Variants in CAPRIN2 observed in about 807,000 individuals in gnomAD.
CAPRIN2 encodes caprin-2.
CAPRIN2 carries 66 observed loss-of-function variants against 130.4 expected under a neutral mutation model. That is an observed-to-expected ratio of 0.51 (90% confidence interval 0.42 to 0.62). CAPRIN2 has a LOEUF of 0.62. CAPRIN2 is among the 20% of genes least tolerant of loss of function. The pLI, the probability that CAPRIN2 is intolerant of heterozygous loss-of-function variation, is 0.00. For synonymous variants in CAPRIN2, 471 were observed against 444.1 expected (o/e 1.06, Z -0.76); for missense variants, 1,185 against 1,246.6 (o/e 0.95, Z 0.74).
chr12:30,724,642 T>A (rs1332801495), intron 9 of CAPRIN2, among the ~76,000 whole-genome samples, 191 bp from the exon 11 acceptor site: 1 of 152,082 alleles, frequency 6.6e-6, no homozygotes, highest in African/African-American at 2.4e-5. Flanking sequence ...AAATTAAGAA[T>A]TAAAAATAAA....
chr12:30,753,935 T>G (rs1462273895), exon 1 of CAPRIN2: 1 of 616,810 alleles, frequency 1.6e-6, no homozygotes, highest in African/African-American at 1.8e-5. Flanking sequence ...TTCTAAATAA[T>G]TCCCATGGCC....
At chr12:30,738,409 A>G (rs1043277171) in intron 3 of CAPRIN2, among the ~76,000 whole-genome samples, 2 of 152,242 alleles carry the variant, frequency 1.3e-5, no homozygotes, top group African/African-American at 4.8e-5. Flanking sequence ...ATGACTTTGA[A>G]TAAGTTCCTT....
At position 30,710,072 on chromosome 12, in the gene CAPRIN2, C is replaced by G; in HGVS notation, c.3064G>C (p.Val1022Leu). Residue 1022 changes from valine to leucine, a missense_variant, in exon 17 of 17, where the codon GTA (valine) becomes CTA (leucine). This residue lies in a region of CAPRIN2 where 81 missense variants were observed against 142.2 expected (regional missense o/e 0.57). Transcript: ENST00000298892. This position sits in a 1 kb window ranked among gnomAD's most constrained non-coding sequence, Gnocchi z 4.8. ...GCACCATCATTGGCATAGGCTGATA[C>G]CAAGACCTCTTCATTCTTCATGAGG... 1.2e-6 allele frequency: 2 copies of G among 1,614,116 alleles called. No homozygotes were observed. The highest frequency in any genetic ancestry group is 2.2e-5 in the South Asian group (2 of 91,088).
At chr12:30,739,929 C>T (rs768009260) in intron 3 of CAPRIN2, among the ~76,000 whole-genome samples, 14 of 152,068 alleles carry the variant, frequency 9.2e-5, no homozygotes, top group Admixed American at 2.6e-4. Context: ...GAATGAAAAA[C>T]TAAATTGTTA....
intron 15 of CAPRIN2, among the ~76,000 whole-genome samples, chr12:30,712,508 C>T (rs117285683): frequency 1.3e-4 from 20 of 152,242 alleles, no homozygotes; most frequent in East Asian, 3.9e-4. Flanking sequence ...AATATTTGCA[C>T]GGCTGATATA....
Position 30,746,663 on chromosome 12 carries a change from C to T in CAPRIN2, c.483+4408G>A, listed in dbSNP as rs151338159. Among the ~76,000 whole-genome samples, 1,036 of 152,264 alleles carry T rather than the reference C, an allele frequency of 6.8e-3. 7 individuals are homozygous for T. Among genetic ancestry groups the T allele is most frequent in the African/African-American group, 0.024 (988 of 41,554 alleles). On this transcript the variant is annotated intron_variant, in intron 2 of 16. Coordinates refer to ENST00000298892, the Ensembl canonical transcript of CAPRIN2. ...AGATTTGAGTGGTATTCCCTTAAGT[C>T]AAAACCTAGTCTAGAACAAGACCCT... is the stretch of plus-strand genomic sequence containing the variant.
At chr12:30,721,447 G>T (rs919585792) in intron 11 of CAPRIN2, among the ~76,000 whole-genome samples, 1 of 152,130 alleles carries the variant, frequency 6.6e-6, no homozygotes, top group African/African-American at 2.4e-5. Context: ...AAATCAGAAT[G>T]GCACCAAAAA....
chr12:30,732,294 C>T (rs759027182), intron 5 of CAPRIN2, among the ~76,000 whole-genome samples: 24 of 151,814 alleles, frequency 1.6e-4, no homozygotes, highest in Non-Finnish European at 2.8e-4. Flanking sequence ...GCAGAGTTTC[C>T]GTACTTCATT....
At chr12:30,747,632 G>A (rs573828461) in intron 2 of CAPRIN2, among the ~76,000 whole-genome samples, 71 of 151,642 alleles carry the variant, frequency 4.7e-4, no homozygotes, top group South Asian at 1.0e-3. Flanking sequence ...AGCCGAGATC[G>A]TGCCATTGTA....
chr12:30,748,492 C>T (rs2071888745), intron 2 of CAPRIN2, among the ~76,000 whole-genome samples: 1 of 152,196 alleles, frequency 6.6e-6, no homozygotes, highest in Admixed American at 6.5e-5. Flanking sequence ...AGTGCTACTG[C>T]ACACTTAACA....
At chr12:30,730,707 G>A (rs765708166) in intron 6 of CAPRIN2, among the ~76,000 whole-genome samples, 7 of 152,106 alleles carry the variant, frequency 4.6e-5, no homozygotes, top group Admixed American at 1.3e-4. Context: ...AGAGAGTGGA[G>A]ATACTTAAGC....
intron 8 of CAPRIN2, among the ~76,000 whole-genome samples, chr12:30,727,049 CA>C (rs1344720123): frequency 6.6e-6 from 1 of 152,066 alleles, no homozygotes; most frequent in Non-Finnish European, 1.5e-5. Flanking sequence ...TTGACCTTTC[CA>C]AATATGTAAC....
chr12:30,751,543 G>A (rs1021354628), intron 1 of CAPRIN2: 4 of 220,664 alleles, frequency 1.8e-5, no homozygotes, highest in African/African-American at 9.1e-5. Flanking sequence ...GGGAAGGGAG[G>A]TGAAGAGTGC....
chr12:30,731,576 C>G, intron 5 of CAPRIN2, 66 bp from the exon 7 acceptor site: 1 of 1,309,570 alleles, frequency 7.6e-7, no homozygotes, highest in South Asian at 1.3e-5. Context: ...GAATAGAAAT[C>G]CTAATTTTAT....
At position 30,753,320 on chromosome 12, in the gene CAPRIN2, C is replaced by T. The variant is rs781242705; in HGVS notation, c.420+24G>A. 2.5e-6 allele frequency: 4 copies of T among 1,574,898 alleles called. No homozygotes were observed. The Admixed American group carries it at 5.3e-5, about 21-fold the overall frequency. On this transcript the variant is annotated intron_variant, in intron 1 of 16. Coordinates refer to ENST00000298892, the Ensembl canonical transcript of CAPRIN2. ...CTTAATCTTTAAGATCATGCATCTA[C>T]AGGACTGGAAGAAAAAAAGTTACCT...
At chr12:30,733,493 T>A in intron 5 of CAPRIN2, 136 bp downstream of exon 6, 1 of 642,696 alleles carries the variant, frequency 1.6e-6, no homozygotes, top group Non-Finnish European at 2.8e-6. Flanking sequence ...AAAGGGATCA[T>A]TCTCCCAGTG....
chr12:30,720,643 C>T, intron 12 of CAPRIN2, 168 bp downstream of exon 13: 2 of 536,228 alleles, frequency 3.7e-6, no homozygotes, highest in East Asian at 3.1e-5. Flanking sequence ...GGCAAAGCTA[C>T]AATAAAGTTA....
At chr12:30,717,486 T>G (rs1389791079) in intron 12 of CAPRIN2, among the ~76,000 whole-genome samples, 1 of 152,092 alleles carries the variant, frequency 6.6e-6, no homozygotes, top group African/African-American at 2.4e-5. Flanking sequence ...ATGACAAAGT[T>G]CTGAAAGTAG....
chr12:30,739,017 C>A (rs1361647395), intron 3 of CAPRIN2, among the ~76,000 whole-genome samples: 3 of 152,130 alleles, frequency 2.0e-5, no homozygotes, highest in Non-Finnish European at 4.4e-5. Context: ...GAGCTAAAAC[C>A]AGAACCACCA....
Sources: gnomAD v4.1 joint callset for allele counts (sites outside exome capture counted in the v4.1 genomes callset) on GRCh38, gnomAD v4.1.1 for gene constraint, gnomAD v4.1.1 regional missense constraint, Gnocchi (gnomAD v3.1) non-coding constraint, MANE v1.5 for transcripts, NCBI Gene and HGNC (gene_info 2026-07-23, HGNC 2026-07-21) for gene names.